The following INSR variants were observed in gnomAD, a reference collection of about 807,000 sequenced individuals.
INSR encodes IR.
A neutral mutation model predicts 142.6 loss-of-function variants in INSR; 67 were observed. The ratio of observed to expected loss-of-function variants is 0.47; its 90% CI spans 0.39 to 0.58. The LOEUF (loss-of-function observed/expected upper bound fraction) is 0.58, where lower values mean the gene tolerates loss of function less well. Ranked by LOEUF, INSR falls within the 20% of genes least tolerant of loss-of-function variation. The pLI, the probability that INSR is intolerant of heterozygous loss-of-function variation, is 0.00. For synonymous variants in INSR, 756 were observed against 743.1 expected, an observed-to-expected ratio of 1.02 and a Z score of -0.28; for missense variants, 1,248 against 1,833.2, an observed-to-expected ratio of 0.68 and a Z score of 5.83.
At chr19:7,135,201 A>G (rs1401256312) in intron 13 of INSR, among the ~76,000 whole-genome samples, 2 of 151,424 alleles carry the variant, frequency 1.3e-5, no homozygotes, top group Non-Finnish European at 2.9e-5. Context: ...CTCCAGTCCA[A>G]AGTTTCTTCC....
At position 7,170,306 on chromosome 19, in the gene INSR, A is replaced by G. The variant is rs754429947; in HGVS notation, c.1483+231T>C. ...TCTCCCATCACCCCCAGCTGGGACCATCTAGTTGCAGGAACACAAGCTCAG... is the reference window on the plus strand; with the variant it reads ...TCTCCCATCACCCCCAGCTGGGACCGTCTAGTTGCAGGAACACAAGCTCAG... On this transcript the variant is annotated intron_variant, in intron 6 of 21. Coordinates refer to ENST00000302850, the MANE Select transcript of INSR (RefSeq NM_000208.4). Among the ~76,000 whole-genome samples, 65 of 151,522 alleles carry G rather than the reference A, an allele frequency of 4.3e-4. 1 individual carries two copies. Among genetic ancestry groups the G allele is most frequent in the Non-Finnish European group, 7.7e-4 (52 of 67,876 alleles).
chr19:7,125,376 C>T lies in INSR; in HGVS notation c.3165G>A (p.Ala1055=), dbSNP rs201445608. The stretch of plus-strand genomic sequence containing the variant: ...TGGCTGACTCGTTGACCGTCTTCAC[C>T]GCCACGCGGGTCTCTGCCTCACCCT... The part of the protein sequence containing the change: ...IIKGEAETRV[A]VKTVNESASL... The change falls in exon 17 of 22, where the codon GCG becomes GCA. Residue 1055 remains alanine, a synonymous_variant. Transcript: ENST00000302850. This position sits in a 1 kb window ranked among gnomAD's most constrained non-coding sequence, Gnocchi z 4.9. 1.9e-5 allele frequency: 31 copies of T among 1,614,130 alleles called. No homozygotes were observed. Among genetic ancestry groups the T allele is most frequent in the Middle Eastern group, 1.6e-4 (1 of 6,062 alleles).
chr19:7,258,572 G>C (rs1419567625), intron 2 of INSR, among the ~76,000 whole-genome samples: 1 of 149,480 alleles, frequency 6.7e-6, no homozygotes, highest in African/African-American at 2.5e-5. Flanking sequence ...AGGTCTCCTA[G>C]AGCAAGTCTC....
rs1973712290 is a variant in INSR, at chr19:7,160,240, C to G, written c.2029+2792G>C. Among the ~76,000 whole-genome samples the G allele has an allele frequency of 5.3e-5, 8 of 152,178 alleles. No individual in the cohort carries two copies. In the South Asian group the frequency reaches 1.7e-3, roughly 32 times the overall value. ...TGCAAGCTCGGCTCATTGCAACCTC[C>G]ACCTCCCGGGTTCAAGCGATTCTTC... is the stretch of plus-strand genomic sequence containing the variant. On this transcript the variant is annotated intron_variant, in intron 9 of 21. Coordinates refer to ENST00000302850, the MANE Select transcript of INSR (RefSeq NM_000208.4).
intron 2 of INSR, among the ~76,000 whole-genome samples, chr19:7,191,549 C>T (rs1321002631): frequency 1.3e-5 from 2 of 152,062 alleles, no homozygotes; most frequent in Admixed American, 1.3e-4. Context: ...GCCTGCCAGG[C>T]GCAGTGGCTT....
At chr19:7,163,002 A>G in intron 9 of INSR, 30 bp downstream of exon 9, 1 of 1,611,756 alleles carries the variant, frequency 6.2e-7, no homozygotes, top group Non-Finnish European at 8.5e-7. Context: ...TGCAAACCCC[A>G]CCGATCCTAG....
At chr19:7,247,262 C>A (rs996555815) in intron 2 of INSR, among the ~76,000 whole-genome samples, 1 of 152,190 alleles carries the variant, frequency 6.6e-6, no homozygotes, top group Non-Finnish European at 1.5e-5. Context: ...TCCAAACCCA[C>A]ACCCATTTTA....
chr19:7,132,027 A>T (rs1042188101), intron 14 of INSR, 131 bp downstream of exon 14: 8 of 1,107,520 alleles, frequency 7.2e-6, no homozygotes, highest in African/African-American at 3.1e-5. Context: ...CAAGCACCGC[A>T]GCAGCTGATA....
chr19:7,253,359 C>A (rs1472079109), intron 2 of INSR, among the ~76,000 whole-genome samples: 1 of 151,936 alleles, frequency 6.6e-6, no homozygotes, highest in Non-Finnish European at 1.5e-5. Context: ...CTGCCTCAGC[C>A]CCCCGAGTAG....
At chr19:7,279,971 A>G (rs1459787476) in intron 1 of INSR, among the ~76,000 whole-genome samples, 1 of 152,048 alleles carries the variant, frequency 6.6e-6, no homozygotes, top group African/African-American at 2.4e-5. Flanking sequence ...ACCCTGTCTC[A>G]AAAACAAAAC....
intron 2 of INSR, among the ~76,000 whole-genome samples, chr19:7,185,874 A>AG (rs1974417206): frequency 6.0e-5 from 8 of 133,086 alleles, no homozygotes; most frequent in African/African-American, 2.0e-4. Context: ...GAGAGAGACA[A>AG]AGAGAGAGAG....
intron 1 of INSR, among the ~76,000 whole-genome samples, chr19:7,282,989 A>ATAC (rs1214425920): frequency 6.6e-6 from 1 of 150,428 alleles, no homozygotes; most frequent in Non-Finnish European, 1.5e-5. Context: ...AGTAATAATA[A>ATAC]TAATAATAAT....
chr19:7,287,587 T>C (rs1357332902), intron 1 of INSR, among the ~76,000 whole-genome samples: 1 of 152,214 alleles, frequency 6.6e-6, no homozygotes, highest in East Asian at 1.9e-4. Flanking sequence ...CCTCATTCAA[T>C]GCCAATATAG....
At chr19:7,239,349 T>C (rs1403005198) in intron 2 of INSR, among the ~76,000 whole-genome samples, 9 of 116,980 alleles carry the variant, frequency 7.7e-5, no homozygotes, top group African/African-American at 2.6e-4. Context: ...TAGGAAGACA[T>C]GGCTAAGAAG....
chr19:7,166,897 C>T lies in INSR; in HGVS notation c.1611-493G>A, dbSNP rs758647329. Among the ~76,000 whole-genome samples the T allele has an allele frequency of 2.6e-5, 4 of 151,680 alleles. No individual in the cohort carries two copies. Among genetic ancestry groups the T allele is most frequent in the African/African-American group, 9.7e-5 (4 of 41,312 alleles). ...TCGCACCACTGCACTCCAGCCTGGG[C>T]GACAAAGGGAGACTCTGTTTCAAAA... is the stretch of plus-strand genomic sequence containing the variant. On this transcript the variant is annotated intron_variant, in intron 7 of 21. Coordinates refer to ENST00000302850, the MANE Select transcript of INSR (RefSeq NM_000208.4). This position sits in a 1 kb window ranked among gnomAD's most constrained non-coding sequence, Gnocchi z 4.1.
rs1267080515 is a variant in INSR at position 7,267,859 on chromosome 19, C to A, written c.138G>T (p.Arg46Ser). ...CAGAGCAATTCTCCAGCTCATGCAA[C>A]CTAGTGAGGTTGTTCCGGATATCCA... ...PGMDIRNNLT[R>S]LHELENCSVI... Residue 46 changes from arginine to serine, a missense_variant, in exon 2 of 22, where the codon AGG (arginine) becomes AGT (serine). Coordinates refer to ENST00000302850, the MANE Select transcript of INSR (RefSeq NM_000208.4). This position sits in a 1 kb window ranked among gnomAD's most constrained non-coding sequence, Gnocchi z 6.3. The A allele has an allele frequency of 1.2e-6, 2 of 1,614,050 alleles. No homozygotes were observed. The highest frequency in any genetic ancestry group is 1.7e-5 in the Admixed American group (1 of 59,986).
intron 2 of INSR, among the ~76,000 whole-genome samples, chr19:7,264,515 A>AC (rs34202975): frequency 0.43 from 65,870 of 152,088 alleles, 14,851 homozygotes; most frequent in African/African-American, 0.56. Context: ...TCAAACAAGC[A>AC]CTACATTTGG....
rs934911818 is a variant in INSR at position 7,180,608 on chromosome 19, A to G, written c.974+3708T>C. On this transcript the variant is annotated intron_variant, in intron 3 of 21. Transcript: ENST00000302850. ...AACTAAATGATGTGACAGAGAGTGC[A>G]CGGATGATTGACTCAGACGGGAAGG... 7.9e-5 allele frequency among the ~76,000 whole-genome samples: 12 copies of G among 152,004 alleles called. No homozygotes were observed. In the South Asian group the frequency reaches 1.2e-3, roughly 16 times the overall value.
In INSR at chr19:7,166,177, A is replaced by T; in HGVS notation, c.1838T>A (p.Ile613Asn). Residue 613 changes from isoleucine to asparagine, a missense_variant, in exon 8 of 22, where the codon ATT becomes AAT. Ile to Asn is a moderately radical substitution (Grantham distance 149). Around this residue, in one of 3 missense-constraint regions of INSR, gnomAD observed 1,069 missense variants for 1,654.0 expected, o/e 0.65. Coordinates refer to ENST00000302850, the MANE Select transcript of INSR (RefSeq NM_000208.4). This position sits in a 1 kb window ranked among gnomAD's most constrained non-coding sequence, Gnocchi z 4.1. ...RRTYGAKSDIIYVQTDATNPS... is the reference protein window; with the variant it reads ...RRTYGAKSDINYVQTDATNPS... ...ACTGGTGGCATCTGTCTGGACATAA[A>T]TGATGTCACTCTTGGCCCCATAGGT... is the stretch of plus-strand genomic sequence containing the variant. 1 of 1,614,172 alleles carries T rather than the reference A, an allele frequency of 6.2e-7. No homozygotes were observed. The highest frequency in any genetic ancestry group is 8.5e-7 in the Non-Finnish European group (1 of 1,180,032).
Sources: gnomAD v4.1 joint callset for allele counts (sites outside exome capture counted in the v4.1 genomes callset) on GRCh38, gnomAD v4.1.1 for gene constraint, gnomAD v4.1.1 regional missense constraint, Gnocchi (gnomAD v3.1) non-coding constraint, MANE v1.5 for transcripts, NCBI Gene and HGNC (gene_info 2026-07-23, HGNC 2026-07-21) for gene names.